The following LYZL1 variants were observed in gnomAD, a reference collection of about 807,000 sequenced individuals.
The protein encoded by LYZL1 is lysozyme like 1.
A neutral mutation model predicts 17.9 loss-of-function variants in LYZL1; 16 were observed. That is an observed-to-expected ratio of 0.90 (90% confidence interval 0.61 to 1.36). LYZL1 has a LOEUF of 1.36. Among genes scored for constraint, LYZL1 ranks in the 40% most tolerant of loss-of-function variants. LYZL1 has a pLI of 0.00. For missense variants in LYZL1, 149 were observed against 188.4 expected, an observed-to-expected ratio of 0.79 and a Z score of 1.22; for synonymous variants, 58 against 71.8, an observed-to-expected ratio of 0.81 and a Z score of 0.97.
chr10:29,292,440 A>G (rs1857153), intron 2 of LYZL1, 79 bp from the exon 3 acceptor site: 32 of 1,565,784 alleles, frequency 2.0e-5, no homozygotes, highest in South Asian at 8.6e-5. Context: ...TAACAAGGAT[A>G]AGGAAACTCG....
intron 1 of LYZL1, among the ~76,000 whole-genome samples, chr10:29,291,073 C>T (rs187546165): frequency 2.0e-5 from 3 of 150,288 alleles, no homozygotes; most frequent in East Asian, 2.1e-4. Flanking sequence ...GTAGGGGTCA[C>T]GGGCACCGAC....
chr10:29,301,832 CT>C (rs1835523140), intron 3 of LYZL1, among the ~76,000 whole-genome samples: 1 of 151,986 alleles, frequency 6.6e-6, no homozygotes, highest in African/African-American at 2.4e-5. Flanking sequence ...CACCATGGCT[CT>C]TCATGTTTTT....
At chr10:29,298,917 T>C (rs1564390852) in intron 3 of LYZL1, among the ~76,000 whole-genome samples, 1 of 152,206 alleles carries the variant, frequency 6.6e-6, no homozygotes, top group South Asian at 2.1e-4. Context: ...ATTTCTATTA[T>C]CATTACATTG....
At chr10:29,312,059 G>A (rs1835679334), downstream of LYZL1, among the ~76,000 whole-genome samples, 2 of 152,182 alleles carry the variant, frequency 1.3e-5, no homozygotes, top group African/African-American at 4.8e-5. Flanking sequence ...CAACAATCTG[G>A]GAAGCCAAGG....
Position 29,292,127 on chromosome 10 carries a change from C to T in LYZL1, c.139+121C>T, listed in dbSNP as rs540933018. 48 of 1,338,592 alleles carry T rather than the reference C, an allele frequency of 3.6e-5. 1 individual carries two copies. The highest frequency in any genetic ancestry group is 2.4e-4 in the African/African-American group (17 of 71,076). 82.9% of individuals were successfully genotyped at this position (1,338,592 alleles called of 1,614,324 possible). A position where few individuals can be genotyped will look rare whatever the true frequency, so the allele number is the denominator to read the frequency against. The stretch of plus-strand genomic sequence containing the variant: ...ACCCCTGCTCTGCCCTCACCGCACT[C>T]AGGGGTGGCTGCTAGCCTAACTGTG... On this transcript the variant is annotated intron_variant, in intron 2 of 4. Coordinates refer to ENST00000649382, the MANE Select transcript of LYZL1 (RefSeq NM_032517.6).
chr10:29,298,756 C>T (rs943764329), intron 3 of LYZL1, among the ~76,000 whole-genome samples: 1 of 152,140 alleles, frequency 6.6e-6, no homozygotes, highest in Non-Finnish European at 1.5e-5. Context: ...TCTAGTTACA[C>T]CTCATTATGG....
chr10:29,307,921 T>C (rs1162188394), intron 3 of LYZL1, among the ~76,000 whole-genome samples: 4 of 152,222 alleles, frequency 2.6e-5, no homozygotes, highest in Non-Finnish European at 4.4e-5. Context: ...TCCTAAGACG[T>C]TGAATCCATT....
intron 3 of LYZL1, among the ~76,000 whole-genome samples, chr10:29,295,179 C>G (rs61839248): frequency 0.11 from 17,074 of 152,250 alleles, 1,212 homozygotes; most frequent in Non-Finnish European, 0.16. Flanking sequence ...TGAGATAGAT[C>G]TCCCGATTGT....
At chr10:29,314,012 C>T (rs1010385200), downstream of LYZL1, among the ~76,000 whole-genome samples, 7 of 152,152 alleles carry the variant, frequency 4.6e-5, no homozygotes, top group South Asian at 2.1e-4. Flanking sequence ...TGTTGTTCCT[C>T]GATGCTTTCT....
intron 4 of LYZL1, 90 bp from the exon 5 acceptor site, chr10:29,310,900 G>T: frequency 1.2e-6 from 2 of 1,601,690 alleles, no homozygotes; most frequent in African/African-American, 2.7e-5. Context: ...TTCCGCTGGC[G>T]ATTTTGGTTA....
At chr10:29,309,528 A>T (rs112082557) in intron 3 of LYZL1, among the ~76,000 whole-genome samples, 10,886 of 151,876 alleles carry the variant, frequency 0.072, 409 homozygotes, top group African/African-American at 0.089. Context: ...ACAGGGTCTC[A>T]CTCTGTTGCC....
chr10:29,302,770 G>A (rs574353713), intron 3 of LYZL1, among the ~76,000 whole-genome samples: 3 of 152,250 alleles, frequency 2.0e-5, no homozygotes, highest in African/African-American at 4.8e-5. Context: ...GCCGTACCCC[G>A]CGGACACAGT....
intron 3 of LYZL1, among the ~76,000 whole-genome samples, 156 bp downstream of exon 3, chr10:29,292,833 T>C (rs2132814933): frequency 6.6e-6 from 1 of 152,330 alleles, no homozygotes; most frequent in Admixed American, 6.5e-5. Context: ...GTTTCCAAGG[T>C]GACACTCAGG....
chr10:29,295,918 G>A (rs1409568403), intron 3 of LYZL1, among the ~76,000 whole-genome samples: 2 of 152,086 alleles, frequency 1.3e-5, no homozygotes, highest in African/African-American at 4.8e-5. Context: ...CACCCACAAG[G>A]AACTGAACTC....
At chr10:29,291,744 G>C in intron 1 of LYZL1, 99 bp from the exon 2 acceptor site, 1 of 1,370,544 alleles carries the variant, frequency 7.3e-7, no homozygotes, top group Non-Finnish European at 9.9e-7. Context: ...TGACCAAAGT[G>C]ACAGGCAGCA....
intron 3 of LYZL1, among the ~76,000 whole-genome samples, chr10:29,308,668 A>T (rs935494777): frequency 1.3e-5 from 2 of 152,260 alleles, no homozygotes; most frequent in African/African-American, 4.8e-5. Flanking sequence ...GAAGCAATAG[A>T]AAATGTAATA....
chr10:29,290,106 C>T (rs12357957), intron 1 of LYZL1, among the ~76,000 whole-genome samples: 20,497 of 152,022 alleles, frequency 0.13, 2,154 homozygotes, highest in East Asian at 0.48. Context: ...CTGTTTTGGG[C>T]CTAGCCTTTC....
intron 3 of LYZL1, among the ~76,000 whole-genome samples, chr10:29,302,847 T>G (rs915509093): frequency 2.0e-5 from 3 of 152,186 alleles, no homozygotes; most frequent in African/African-American, 7.2e-5. Flanking sequence ...TGTGTCTTCC[T>G]TTAAAGAGTG....
chr10:29,292,568 G>A lies in LYZL1; in HGVS notation c.189G>A (p.Thr63=), dbSNP rs371425145. 1.3e-5 allele frequency: 21 copies of A among 1,614,120 alleles called. No homozygotes were observed. Among genetic ancestry groups the A allele is most frequent in the Middle Eastern group, 3.3e-4 (2 of 6,084 alleles). Residue 63 remains threonine (T), a synonymous_variant, in exon 3 of 5, where the codon ACG becomes ACA. Transcript: ENST00000649382. Reference sequence around the variant, plus strand: ...GCGGCTACAACACCACAGCCCAGACGGTCCTGGATGACGGCAGCATCGACT... The same window carrying A: ...GCGGCTACAACACCACAGCCCAGACAGTCCTGGATGACGGCAGCATCGACT... ...YESGYNTTAQ[T]VLDDGSIDYG...
Sources: allele counts gnomAD v4.1 joint callset (sites outside exome capture counted in the v4.1 genomes callset), GRCh38; gene constraint gnomAD v4.1.1; transcripts MANE v1.5; gene names NCBI Gene and HGNC (gene_info 2026-07-23, HGNC 2026-07-21).